The following RASAL3 variants were observed in gnomAD, a reference collection of about 807,000 sequenced individuals.
The protein encoded by RASAL3 is RAS protein activator like-3.
RASAL3 carries 74 observed loss-of-function variants against 105.5 expected under a neutral mutation model. The ratio of observed to expected loss-of-function variants is 0.70; its 90% CI spans 0.58 to 0.85. The LOEUF (loss-of-function observed/expected upper bound fraction) is 0.85. Ranked by LOEUF, RASAL3 falls within the 40% of genes least tolerant of loss-of-function variation. The pLI is 0.00. For missense variants in RASAL3, 1,352 were observed against 1,392.0 expected (o/e 0.97, Z 0.46); for synonymous variants, 579 against 591.6 (o/e 0.98, Z 0.31).
intron 6 of RASAL3, among the ~76,000 whole-genome samples, chr19:15,459,331 C>T (rs1599746212): frequency 6.7e-6 from 1 of 149,582 alleles, no homozygotes; most frequent in Non-Finnish European, 1.5e-5. Flanking sequence ...CTGCAATGTC[C>T]ACCTCCCAGG....
Position 15,461,610 on chromosome 19 carries a change from G to A in RASAL3, c.329-3C>T, listed in dbSNP as rs1320926629. On this transcript the variant is annotated splice_region_variant and splice_polypyrimidine_tract_variant and intron_variant, in intron 2 of 17. Transcript: ENST00000343625. ...CAGCTCTGGCTCCGGCTCCAGCTCT[G>A]GGAAGAAGAGGAGGCACTGGGGGAC... The A allele has an allele frequency of 6.6e-7, 1 of 1,524,206 alleles. No homozygotes were observed. The highest frequency in any genetic ancestry group is 8.8e-7 in the Non-Finnish European group (1 of 1,140,978). 94.4% of individuals were successfully genotyped at this position (1,524,206 alleles called of 1,614,324 possible).
At chr19:15,458,180 G>A (rs1251185573) in intron 8 of RASAL3, 148 bp downstream of exon 8, 6 of 717,194 alleles carry the variant, frequency 8.4e-6, no homozygotes, top group African/African-American at 1.8e-5. Context: ...TAGATGGAAG[G>A]GGAGTCTTGG....
chr19:15,462,266 C>T (rs560467691), intron 2 of RASAL3, among the ~76,000 whole-genome samples: 5 of 152,178 alleles, frequency 3.3e-5, no homozygotes, highest in African/African-American at 1.2e-4. Flanking sequence ...GCGGGTGGAT[C>T]ATCTGAGGCT....
At position 15,464,460 on chromosome 19, in the gene RASAL3, T is replaced by C. The variant is rs569844924; in HGVS notation, c.-20+45A>G. On this transcript the variant is annotated intron_variant, in intron 1 of 17. Coordinates refer to ENST00000343625, the MANE Select transcript of RASAL3 (RefSeq NM_022904.3). ...TCGGCCCCCTCCCCACCCTCAGCTCTGCCTCCAGGAATCCCCCTGCCCCCA... is the reference window on the plus strand; with the variant it reads ...TCGGCCCCCTCCCCACCCTCAGCTCCGCCTCCAGGAATCCCCCTGCCCCCA... 4 of 1,185,366 alleles carry C rather than the reference T, an allele frequency of 3.4e-6. No homozygotes were observed. In the African/African-American group the frequency reaches 6.0e-5, roughly 18 times the overall value. The allele number at this position is 1,185,366 out of a possible 1,614,324, so 73.4% of individuals were successfully genotyped here.
In RASAL3 at chr19:15,451,892, T is replaced by G. The variant is rs1324330950; in HGVS notation, c.2939A>C (p.Asp980Ala). 6.2e-7 allele frequency: 1 copy of G among 1,608,900 alleles called. No homozygotes were observed. Among genetic ancestry groups the G allele is most frequent in the African/African-American group, 1.3e-5 (1 of 74,830 alleles). The change falls in exon 18 of 18, where the codon GAT (aspartate) becomes GCT (alanine). Residue 980 changes from aspartate (D) to alanine (A), a missense_variant. Transcript: ENST00000343625. ...AGAAAGCTGCAGGCTCTGGACAGCA[T>G]CCCTCAGCTGAGCCTGAGTTCTCTC... Reference protein sequence around the residue: ...EMERTQAQLRDAVQSLQLSPR... With the variant: ...EMERTQAQLRAAVQSLQLSPR...
chr19:15,458,224 T>G, intron 8 of RASAL3, 104 bp downstream of exon 8: 2 of 1,036,668 alleles, frequency 1.9e-6, no homozygotes, highest in Non-Finnish European at 2.9e-6. Flanking sequence ...GGCAGGTGTG[T>G]TGGGGGCGCG....
rs913087982 is a variant in RASAL3, at chr19:15,460,244, C to A, written c.621G>T (p.Arg207Ser). 2 of 1,608,766 alleles carry A rather than the reference C, an allele frequency of 1.2e-6. No homozygotes were observed. Among genetic ancestry groups the A allele is most frequent in the Non-Finnish European group, 1.7e-6 (2 of 1,177,740 alleles). ...QVHNVRGLLKRLKEKKKARLE... is the reference protein window; with the variant it reads ...QVHNVRGLLKSLKEKKKARLE... ...ACCTGGCCTTTTTCTTCTCTTTCAG[C>A]CTCTTGAGCAACCCCTGTGGGGAAG... Residue 207 changes from arginine to serine, a missense_variant, in exon 6 of 18, where the codon AGG becomes AGT. Transcript: ENST00000343625.
In RASAL3 at chr19:15,461,590, C is replaced by G. The variant is rs758732711; in HGVS notation, c.346G>C (p.Glu116Gln). ...QEAPELEPEP[E>Q]LEPPTPQIPE... The stretch of plus-strand genomic sequence containing the variant: ...ATCTGTGGGGTAGGGGGCTCCAGCT[C>G]TGGCTCCGGCTCCAGCTCTGGGAAG... The change falls in exon 3 of 18, where the codon GAG (glutamate) becomes CAG (glutamine). Residue 116 changes from glutamate (E) to glutamine (Q), a missense_variant. Glu to Gln is a conservative substitution (Grantham distance 29). Coordinates refer to ENST00000343625, the MANE Select transcript of RASAL3 (RefSeq NM_022904.3). 1.3e-6 allele frequency: 2 copies of G among 1,531,196 alleles called. No individual in the cohort carries two copies. Among genetic ancestry groups the G allele is most frequent in the East Asian group, 2.4e-5 (1 of 42,512 alleles). 94.9% of individuals were successfully genotyped at this position (1,531,196 alleles called of 1,614,324 possible). A position where few individuals can be genotyped will look rare whatever the true frequency, so the allele number is the denominator to read the frequency against.
chr19:15,454,134 C>T lies in RASAL3; in HGVS notation c.2279+15G>A. On this transcript the variant is annotated intron_variant, in intron 14 of 17. Coordinates refer to ENST00000343625, the MANE Select transcript of RASAL3 (RefSeq NM_022904.3). ...TGTTCCCACCCATCAGACCCCAGAC[C>T]AGACTTGAGGTTACCTGGAGTGGAC... is the stretch of plus-strand genomic sequence containing the variant. 1 of 1,542,102 alleles carries T rather than the reference C, an allele frequency of 6.5e-7. No individual in the cohort carries two copies. The highest frequency in any genetic ancestry group is 1.2e-5 in the South Asian group (1 of 83,218).
At position 15,454,350 on chromosome 19, in the gene RASAL3, T is replaced by C; in HGVS notation, c.2160+11A>G. 1 of 1,604,186 alleles carries C rather than the reference T, an allele frequency of 6.2e-7. No homozygotes were observed. The highest frequency in any genetic ancestry group is 8.5e-7 in the Non-Finnish European group (1 of 1,174,788). Reference sequence around the variant, plus strand: ...GCCTTCTTGCCTCCCTACTCTGGGTTCAGGCCATACCTGGTCAAGCTCAGC... The same window carrying C: ...GCCTTCTTGCCTCCCTACTCTGGGTCCAGGCCATACCTGGTCAAGCTCAGC... On this transcript the variant is annotated intron_variant, in intron 13 of 17. Coordinates refer to ENST00000343625, the MANE Select transcript of RASAL3 (RefSeq NM_022904.3).
Position 15,456,274 on chromosome 19 carries a change from G to T in RASAL3, c.1577-26C>A. 4.4e-6 allele frequency: 7 copies of T among 1,607,432 alleles called. No individual in the cohort carries two copies. Among genetic ancestry groups the T allele is most frequent in the Non-Finnish European group, 5.1e-6 (6 of 1,175,314 alleles). The stretch of plus-strand genomic sequence containing the variant: ...CTGCAGCCCAGCACAGCCAGATAGG[G>T]GCTGGGGCCATGACCACCAAAACCT... On this transcript the variant is annotated intron_variant, in intron 10 of 17. Coordinates refer to ENST00000343625, the MANE Select transcript of RASAL3 (RefSeq NM_022904.3). The surrounding 1 kb of genome is among the most constrained non-coding windows in gnomAD (Gnocchi z 4.4).
chr19:15,454,086 C>T, intron 14 of RASAL3, 63 bp downstream of exon 14: 1 of 1,208,836 alleles, frequency 8.3e-7, no homozygotes, highest in Admixed American at 2.2e-5. Context: ...ACCTCTGACC[C>T]CTGTCTGAGC....
chr19:15,458,660 G>A lies in RASAL3; in HGVS notation c.663-5C>T, dbSNP rs997625624. On this transcript the variant is annotated splice_polypyrimidine_tract_variant and splice_region_variant and intron_variant, in intron 6 of 17. Transcript: ENST00000343625. The stretch of plus-strand genomic sequence containing the variant: ...GAGCCCAGAGCACTGGGGGGTCTGG[G>A]AAGGGGGTGGGTGAGCACACCGTCA... 1.2e-6 allele frequency: 2 copies of A among 1,612,168 alleles called. No homozygotes were observed. The highest frequency in any genetic ancestry group is 2.7e-5 in the African/African-American group (2 of 75,034).
At chr19:15,460,519 G>C (rs1970475302) in intron 5 of RASAL3, among the ~76,000 whole-genome samples, 1 of 152,102 alleles carries the variant, frequency 6.6e-6, no homozygotes, top group South Asian at 2.1e-4. Context: ...CTGGGCTCAA[G>C]TGATCCTCTT....
chr19:15,455,492 A>G (rs540029023), intron 11 of RASAL3, among the ~76,000 whole-genome samples: 1 of 152,280 alleles, frequency 6.6e-6, no homozygotes, highest in South Asian at 2.1e-4. Flanking sequence ...AGCCAGTGGC[A>G]TGAAATTGGG....
Position 15,464,234 on chromosome 19 carries a change from C to T in RASAL3, c.125G>A (p.Arg42His), listed in dbSNP as rs1376132540. The T allele has an allele frequency of 1.9e-6, 3 of 1,607,774 alleles. No individual in the cohort carries two copies. Among genetic ancestry groups the T allele is most frequent in the Admixed American group, 1.7e-5 (1 of 59,202 alleles). Residue 42 changes from arginine to histidine, a missense_variant, in exon 2 of 18, where the codon CGC (arginine) becomes CAC (histidine). Physicochemically the swap from Arg to His is conservative, Grantham distance 29. Around this residue, in one of 3 missense-constraint regions of RASAL3, gnomAD observed 344 missense variants for 339.6 expected, o/e 1.01. Transcript: ENST00000343625. ...CAGGGCCCTGCCCCAGCCAGCAAAGCGGCCCCAGCGGAACCCTCCAGCCGC... is the reference window on the plus strand; with the variant it reads ...CAGGGCCCTGCCCCAGCCAGCAAAGTGGCCCCAGCGGAACCCTCCAGCCGC... ...EKAAGGFRWG[R>H]FAGWGRALSH...
chr19:15,462,164 G>T (rs1427620915), intron 2 of RASAL3, among the ~76,000 whole-genome samples: 1 of 151,978 alleles, frequency 6.6e-6, no homozygotes, highest in Admixed American at 6.6e-5. Flanking sequence ...ACCAGCCTGG[G>T]CAACATAACA....
rs960581141 is a variant in RASAL3 at position 15,457,512 on chromosome 19, A to G, written c.1211T>C (p.Phe404Ser). The change falls in exon 9 of 18, where the codon TTC becomes TCC. Residue 404 changes from phenylalanine to serine, a missense_variant. Physicochemically the swap from Phe to Ser is radical, Grantham distance 155. Around this residue, in one of 3 missense-constraint regions of RASAL3, gnomAD observed 920 missense variants for 919.6 expected, o/e 1.00. Coordinates refer to ENST00000343625, the MANE Select transcript of RASAL3 (RefSeq NM_022904.3). This position sits in a 1 kb window ranked among gnomAD's most constrained non-coding sequence, Gnocchi z 8.6. ...GCCCGCCGGCGCCCCGAGCAGCGGG[A>G]ACCAGCGCTCCAGACCGGCGGCAGG... ...RAPAAGLERW[F>S]PLLGAPAGAA... The G allele has an allele frequency of 1.6e-5, 19 of 1,165,604 alleles. No homozygotes were observed. The highest frequency in any genetic ancestry group is 2.0e-5 in the Non-Finnish European group (19 of 942,196). 72.2% of individuals were successfully genotyped at this position (1,165,604 alleles called of 1,614,324 possible).
chr19:15,454,838 C>G lies in RASAL3; in HGVS notation c.1777G>C (p.Glu593Gln). The G allele has an allele frequency of 6.3e-7, 1 of 1,582,888 alleles. No individual in the cohort carries two copies. Residue 593 changes from glutamate (E) to glutamine (Q), a missense_variant, in exon 12 of 18, where the codon GAA becomes CAA. Transcript: ENST00000343625. The stretch of plus-strand genomic sequence containing the variant: ...GGGCCCAGCACCTCAGAGCCACGTT[C>G]TTTACATGCTTCTCGCCAGCTTGAG... Reference protein sequence around the residue: ...VFSSWREACKERGSEVLGPRL... With the variant: ...VFSSWREACKQRGSEVLGPRL...
Sources: allele counts gnomAD v4.1 joint callset (sites outside exome capture counted in the v4.1 genomes callset), GRCh38; gene constraint gnomAD v4.1.1; regional missense constraint gnomAD v4.1.1; non-coding constraint Gnocchi (gnomAD v3.1); transcripts MANE v1.5; gene names NCBI Gene and HGNC (gene_info 2026-07-23, HGNC 2026-07-21).